UNC13C: variants seen among roughly 807,000 people sequenced by gnomAD.
The protein encoded by UNC13C is protein unc-13 homolog C.
A neutral mutation model predicts 245.4 loss-of-function variants in UNC13C; 174 were observed. That is an observed-to-expected ratio of 0.71 (90% CI 0.63 to 0.80). UNC13C has a LOEUF of 0.80. Among genes scored for constraint, UNC13C ranks in the 30% least tolerant of loss-of-function variants. The pLI, the probability that UNC13C is intolerant of heterozygous loss-of-function variation, is 0.00. For missense variants in UNC13C, 2,829 were observed against 2,602.9 expected (o/e 1.09, Z -1.89); for synonymous variants, 992 against 895.1 (o/e 1.11, Z -1.93).
rs750345422 is a variant in UNC13C, at chr15:54,626,835, G to T, written c.6367G>T (p.Gly2123Ter). 3.1e-6 allele frequency: 5 copies of T among 1,610,858 alleles called. No individual in the cohort carries two copies. The highest frequency in any genetic ancestry group is 4.2e-6 in the Non-Finnish European group (5 of 1,178,080). The change falls in exon 33 of 33, where the codon GGA becomes TGA. Residue 2123 changes from glycine (G) to a stop codon, truncating the protein, a stop_gained. Coordinates refer to ENST00000260323, the MANE Select transcript of UNC13C (RefSeq NM_001080534.3). LOFTEE classifies it high-confidence loss of function. The stretch of plus-strand genomic sequence containing the variant: ...TATTTTTAATCCACACAGCATTCTC[G>T]GAAAGGAAAATCGACCAGGGGCTTA... ...KYNETFQFIL[G>*]KENRPGAYEL...
the UNC13C span, among the ~76,000 whole-genome samples, chr15:53,852,205 CT>C: frequency 8.5e-5 from 13 of 152,228 alleles, no homozygotes; most frequent in African/African-American, 2.9e-4. Flanking sequence ...CAGTTGGGGT[CT>C]GACGCTTGGT....
chr15:54,549,588 T>G (rs1247542828), intron 27 of UNC13C, 47 bp from the exon 28 acceptor site: 1 of 1,387,558 alleles, frequency 7.2e-7, no homozygotes, highest in African/African-American at 1.4e-5. Context: ...TGACTAATAC[T>G]GAATATCTTA....
At chr15:54,184,174 A>G (rs8036207) in intron 4 of UNC13C, among the ~76,000 whole-genome samples, 22,182 of 152,104 alleles carry the variant, frequency 0.15, 3,085 homozygotes, top group African/African-American at 0.36. Flanking sequence ...AACAAGAAAG[A>G]AAGCCAAGGC....
intron 2 of UNC13C, among the ~76,000 whole-genome samples, chr15:54,134,673 C>T (rs1244428188): frequency 2.6e-5 from 4 of 151,872 alleles, no homozygotes; most frequent in Non-Finnish European, 5.9e-5. Flanking sequence ...GCGCCAGCCA[C>T]CACGCCTGGC....
chr15:54,063,651 T>C (rs1251062478), intron 2 of UNC13C, among the ~76,000 whole-genome samples: 1 of 152,214 alleles, frequency 6.6e-6, no homozygotes, highest in Non-Finnish European at 1.5e-5. Flanking sequence ...AGATTCTGTC[T>C]TGAATGAATT....
At chr15:54,343,505 C>G (rs996038814) in intron 17 of UNC13C, among the ~76,000 whole-genome samples, 15 of 152,158 alleles carry the variant, frequency 9.9e-5, no homozygotes, top group African/African-American at 3.6e-4. Flanking sequence ...ACTCCTGAAC[C>G]AAACTGCTCT....
chr15:54,485,140 C>T (rs12442784), intron 19 of UNC13C, among the ~76,000 whole-genome samples: 67,785 of 151,950 alleles, frequency 0.45, 15,427 homozygotes, highest in East Asian at 0.72. Flanking sequence ...ACCAGCAAAG[C>T]TGTAGGCCAA....
chr15:53,891,188 A>C, the UNC13C span, among the ~76,000 whole-genome samples: 2 of 152,096 alleles, frequency 1.3e-5, no homozygotes, highest in African/African-American at 4.8e-5. Flanking sequence ...TGAGTTTCTT[A>C]ATCCTGGGTT....
At chr15:54,379,907 T>G (rs2039685431) in intron 17 of UNC13C, among the ~76,000 whole-genome samples, 1 of 152,180 alleles carries the variant, frequency 6.6e-6, no homozygotes, top group Admixed American at 6.6e-5. Context: ...CATGATGTTT[T>G]GAAGGATATA....
In UNC13C at chr15:54,013,392, T is replaced by C; in HGVS notation, c.489T>C (p.Ser163=). The C allele has an allele frequency of 1.2e-6, 2 of 1,613,860 alleles. No individual in the cohort carries two copies. The highest frequency in any genetic ancestry group is 1.7e-6 in the Non-Finnish European group (2 of 1,179,856). The change falls in exon 2 of 33, where the codon TCT becomes TCC. Residue 163 remains serine, a synonymous_variant. Coordinates refer to ENST00000260323, the MANE Select transcript of UNC13C (RefSeq NM_001080534.3). The stretch of plus-strand genomic sequence containing the variant: ...AGAGTTCAAGCAGCCTTGCACCCTC[T>C]GAGGGCAGCTCTGACGGGGAGCGTA... ...NRKSSSSLAP[S]EGSSDGERTL...
intron 4 of UNC13C, among the ~76,000 whole-genome samples, chr15:54,229,046 T>A (rs77815139): frequency 1.3e-5 from 2 of 152,150 alleles, no homozygotes; most frequent in African/African-American, 4.8e-5. Context: ...TAGTCCCCAC[T>A]TGCTAGGGCT....
the UNC13C span, chr15:53,911,895 T>C: frequency 2.6e-5 from 4 of 152,362 alleles, no homozygotes; most frequent in East Asian, 7.7e-4. Context: ...TTTGGCCCTC[T>C]AGCTGCTGTT....
At chr15:54,367,708 G>A (rs1158567049) in intron 17 of UNC13C, among the ~76,000 whole-genome samples, 1 of 152,054 alleles carries the variant, frequency 6.6e-6, no homozygotes, top group African/African-American at 2.4e-5. Context: ...GTCCATTATA[G>A]CATCTAGTCT....
intron 2 of UNC13C, among the ~76,000 whole-genome samples, chr15:54,107,389 GT>G (rs1312082307): frequency 6.6e-6 from 1 of 152,136 alleles, no homozygotes; most frequent in Admixed American, 6.5e-5. Context: ...ATAAGCCAGT[GT>G]GTTGGTTTAG....
Position 54,294,079 on chromosome 15 carries a change from T to TA in UNC13C, c.3988+16dup, listed in dbSNP as rs758920538. On this transcript the variant is annotated intron_variant, in intron 11 of 32. Coordinates refer to ENST00000260323, the MANE Select transcript of UNC13C (RefSeq NM_001080534.3). ...GTACAACTTAGGTGATTTTTTTTTT[T>TA]ATCTACTTGAAAACGAGTTAAATAA... 6.7e-7 allele frequency: 1 copy of TA among 1,489,446 alleles called. No homozygotes were observed. The allele number at this position is 1,489,446 out of a possible 1,614,324, so 92.3% of individuals were successfully genotyped here. A position where few individuals can be genotyped will look rare whatever the true frequency, so the allele number is the denominator to read the frequency against.
the UNC13C span, chr15:53,947,677 G>A: frequency 0.039 from 5,963 of 152,128 alleles, 182 homozygotes; most frequent in African/African-American, 0.074. Flanking sequence ...TCTTGTCACC[G>A]CAGCTCCCAA....
the UNC13C span, among the ~76,000 whole-genome samples, chr15:53,854,099 A>G: frequency 7.3e-6 from 1 of 137,458 alleles, no homozygotes; most frequent in Non-Finnish European, 1.6e-5. Context: ...TATTGCCTAG[A>G]TTTTCTCCCA....
chr15:54,479,917 G>T (rs183987532), intron 19 of UNC13C, among the ~76,000 whole-genome samples: 17 of 152,162 alleles, frequency 1.1e-4, no homozygotes, highest in African/African-American at 4.1e-4. Flanking sequence ...TAGTAGCTTT[G>T]CTGGGTATAG....
chr15:54,493,529 C>T (rs1893817678), intron 19 of UNC13C, among the ~76,000 whole-genome samples: 1 of 152,010 alleles, frequency 6.6e-6, no homozygotes, highest in African/African-American at 2.4e-5. Flanking sequence ...CCTCTATATT[C>T]CGGTTTTGAA....
Sources: gnomAD v4.1 joint callset for allele counts (sites outside exome capture counted in the v4.1 genomes callset) on GRCh38, gnomAD v4.1.1 for gene constraint, MANE v1.5 for transcripts, NCBI Gene and HGNC (gene_info 2026-07-23, HGNC 2026-07-21) for gene names.